MYH14: variants seen among roughly 807,000 people sequenced by gnomAD.
MYH14 encodes the protein myosin-14.
In MYH14, 123 loss-of-function variants were observed where a neutral mutation model predicts 255.5. That is an observed-to-expected ratio of 0.48 (90% CI 0.42 to 0.56). The LOEUF (loss-of-function observed/expected upper bound fraction) is 0.56. Among genes scored for constraint, MYH14 ranks in the 20% least tolerant of loss-of-function variants. MYH14 has a pLI of 0.00. For missense variants in MYH14, 2,423 were observed against 2,802.3 expected (o/e 0.86, Z 3.06); for synonymous variants, 1,095 against 1,161.2 (o/e 0.94, Z 1.16).
chr19:50,219,636 C>T (rs538120403), intron 3 of MYH14, among the ~76,000 whole-genome samples: 8 of 151,816 alleles, frequency 5.3e-5, no homozygotes, highest in African/African-American at 1.7e-4. Flanking sequence ...TCCATTGTCA[C>T]GGGGTAAATG....
chr19:50,309,543 C>G, intron 42 of MYH14, 97 bp from the exon 43 acceptor site: 1 of 812,516 alleles, frequency 1.2e-6, no homozygotes. Context: ...CTTCCTATCT[C>G]TCTCTCTCTC....
intron 1 of MYH14, among the ~76,000 whole-genome samples, chr19:50,205,777 C>A (rs1197802618): frequency 6.6e-6 from 1 of 152,134 alleles, no homozygotes; most frequent in African/African-American, 2.4e-5. Flanking sequence ...GAGGAGGGGG[C>A]TGCAAGCCCG....
At chr19:50,246,919 G>A in intron 11 of MYH14, 85 bp from the exon 12 acceptor site, 1 of 933,930 alleles carries the variant, frequency 1.1e-6, no homozygotes, top group Non-Finnish European at 1.7e-6. Flanking sequence ...TCCCCCAACA[G>A]TGTGGGAAAC....
intron 1 of MYH14, chr19:50,205,564 A>G (rs1409170949): frequency 6.6e-6 from 1 of 152,304 alleles, no homozygotes; most frequent in Admixed American, 6.5e-5. Context: ...GGTAGCCCCG[A>G]GGATCTGCGA....
intron 2 of MYH14, among the ~76,000 whole-genome samples, chr19:50,216,336 C>T (rs776786413): frequency 6.6e-6 from 1 of 151,956 alleles, no homozygotes; most frequent in Non-Finnish European, 1.5e-5. Flanking sequence ...GGTGCGGTGA[C>T]TCAAGCCTGT....
chr19:50,279,850 C>T (rs2035645482), intron 30 of MYH14, among the ~76,000 whole-genome samples, 187 bp from the exon 31 acceptor site: 1 of 152,172 alleles, frequency 6.6e-6, no homozygotes, highest in Non-Finnish European at 1.5e-5. Flanking sequence ...TTTGGGTATG[C>T]ACCTAGGAGC....
At position 50,301,835 on chromosome 19, in the gene MYH14, G is replaced by A. The variant is rs200566974; in HGVS notation, c.5644G>A (p.Ala1882Thr). 11 of 1,613,542 alleles carry A rather than the reference G, an allele frequency of 6.8e-6. No individual in the cohort carries two copies. Among genetic ancestry groups the A allele is most frequent in the Admixed American group, 6.7e-5 (4 of 59,916 alleles). Reference protein sequence around the residue: ...MTIAALESKLAQAEEQLEQET... With the variant: ...MTIAALESKLTQAEEQLEQET... ...CATTGCTGCCCTTGAGTCTAAGTTG[G>A]CCCAGGCTGAGGAGCAGCTAGAGCA... Residue 1882 changes from alanine to threonine, a missense_variant, in exon 40 of 43, where the codon GCC becomes ACC. Physicochemically the swap from Ala to Thr is moderately conservative, Grantham distance 58. Coordinates refer to ENST00000642316, the MANE Select transcript of MYH14 (RefSeq NM_001145809.2).
chr19:50,279,597 C>A (rs1051559685), intron 30 of MYH14, among the ~76,000 whole-genome samples: 17 of 152,214 alleles, frequency 1.1e-4, no homozygotes, highest in Non-Finnish European at 2.2e-4. Flanking sequence ...TGCACCATTG[C>A]GCTCTAGCCT....
chr19:50,219,269 A>G (rs679252), intron 3 of MYH14, among the ~76,000 whole-genome samples: 87 of 151,784 alleles, frequency 5.7e-4, no homozygotes, highest in Middle Eastern at 3.4e-3. Context: ...TCTTTTTCAT[A>G]TAATAGCTTC....
At chr19:50,246,786 T>G (rs1341352692) in intron 11 of MYH14, among the ~76,000 whole-genome samples, 2 of 152,214 alleles carry the variant, frequency 1.3e-5, no homozygotes, top group African/African-American at 4.8e-5. Flanking sequence ...GGCACGGTCT[T>G]TGCTCACATG....
At chr19:50,210,184 C>T (rs1379990958) in intron 1 of MYH14, among the ~76,000 whole-genome samples, 179 bp from the exon 2 acceptor site, 1 of 149,772 alleles carries the variant, frequency 6.7e-6, no homozygotes, top group East Asian at 2.0e-4. Context: ...TGAATGAGTG[C>T]CTAGAGAGGT....
At chr19:50,281,314 T>C (rs986725192) in intron 32 of MYH14, among the ~76,000 whole-genome samples, 1 of 152,210 alleles carries the variant, frequency 6.6e-6, no homozygotes, top group Admixed American at 6.5e-5. Context: ...TCACCCTGGC[T>C]GTGACTCTGT....
chr19:50,294,585 C>G (rs1157346911), intron 39 of MYH14, among the ~76,000 whole-genome samples: 1 of 151,646 alleles, frequency 6.6e-6, no homozygotes, highest in African/African-American at 2.4e-5. Context: ...TAAAAATTAG[C>G]CAGGTGCAGT....
intron 40 of MYH14, among the ~76,000 whole-genome samples, chr19:50,305,195 C>G (rs1233527627): frequency 1.3e-5 from 2 of 151,666 alleles, no homozygotes; most frequent in African/African-American, 4.8e-5. Flanking sequence ...AGGAGGGAGA[C>G]TGGAAGCTGG....
intron 6 of MYH14, 58 bp downstream of exon 6, chr19:50,224,235 A>G: frequency 6.2e-7 from 1 of 1,612,418 alleles, no homozygotes; most frequent in Non-Finnish European, 8.5e-7. Flanking sequence ...CCGGCCACCC[A>G]ATGCATGATC....
chr19:50,254,895 C>T (rs1042596196), intron 16 of MYH14, among the ~76,000 whole-genome samples: 2 of 152,178 alleles, frequency 1.3e-5, no homozygotes, highest in African/African-American at 4.8e-5. Context: ...CTTGAGCTTC[C>T]TGGCAGCCAG....
Position 50,271,854 on chromosome 19 carries a change from G to A in MYH14, c.3177G>A (p.Arg1059=). 1 of 1,613,314 alleles carries A rather than the reference G, an allele frequency of 6.2e-7. No homozygotes were observed. The highest frequency in any genetic ancestry group is 8.5e-7 in the Non-Finnish European group (1 of 1,179,826). Residue 1059 remains arginine, a synonymous_variant, in exon 26 of 43, where the codon CGG becomes CGA. Transcript: ENST00000642316. The part of the protein sequence containing the change: ...EDQNSKLSKE[R]KLLEDRLAEF... ...CATCCCACTCCACCCCTCAGGAGCG[G>A]AAGCTGCTGGAAGATCGTCTGGCCG...
At chr19:50,246,111 TCTTCCTTC>T (rs547710584) in intron 11 of MYH14, among the ~76,000 whole-genome samples, 5 of 106,264 alleles carry the variant, frequency 4.7e-5, no homozygotes, top group East Asian at 6.6e-4. Flanking sequence ...TCCCTTCCTT[TCTTCCTTC>T]CTTCCTTCCT....
intron 41 of MYH14, chr19:50,308,182 CCAGT>C (rs2123494745): frequency 6.6e-6 from 1 of 152,272 alleles, no homozygotes; most frequent in South Asian, 2.1e-4. Context: ...TGAAAAAGAG[CCAGT>C]CAGAGGGAAC....
Sources: gnomAD v4.1 joint callset for allele counts (sites outside exome capture counted in the v4.1 genomes callset) on GRCh38, gnomAD v4.1.1 for gene constraint, MANE v1.5 for transcripts, NCBI Gene and HGNC (gene_info 2026-07-23, HGNC 2026-07-21) for gene names.